The following ZNF839 variants were observed in gnomAD, a reference collection of about 807,000 sequenced individuals.
ZNF839 encodes zinc finger protein 839, also known as renal carcinoma antigen NY-REN-50.
ZNF839 carries 38 observed loss-of-function variants against 56.4 expected under a neutral mutation model. That is an observed-to-expected ratio of 0.67 (90% CI 0.52 to 0.88). ZNF839 has a LOEUF of 0.88. Among genes scored for constraint, ZNF839 ranks in the 40% least tolerant of loss-of-function variants. The pLI is 0.00. For missense variants in ZNF839, 1,091 were observed against 1,177.6 expected (o/e 0.93, Z 1.08); for synonymous variants, 486 against 493.5 (o/e 0.98, Z 0.20).
rs1458468759 is a variant in ZNF839 at position 102,326,751 on chromosome 14, G to A, written c.1055G>A (p.Ser352Asn). ...GAGATGGTGCTGTCTGAGAAAGCCA[G>A]TGGAAGCACCCTCCGGGGGTGCACG... ...DPEMVLSEKA[S>N]GSTLRGCTEE... Residue 352 changes from serine to asparagine, a missense_variant, in exon 2 of 8, where the codon AGT becomes AAT. Physicochemically the swap from Ser to Asn is conservative, Grantham distance 46. Transcript: ENST00000442396. This position sits in a 1 kb window ranked among gnomAD's most constrained non-coding sequence, Gnocchi z 4.3. 3 of 1,613,338 alleles carry A rather than the reference G, an allele frequency of 1.9e-6. No homozygotes were observed. The highest frequency in any genetic ancestry group is 8.5e-7 in the Non-Finnish European group (1 of 1,179,666).
At chr14:102,331,585 T>C (rs774528516) in intron 2 of ZNF839, 37 bp from the exon 3 acceptor site, 1 of 1,553,070 alleles carries the variant, frequency 6.4e-7, no homozygotes, top group African/African-American at 1.4e-5. Context: ...AAAGCATGAT[T>C]GTTTTATTTT....
Position 102,341,475 on chromosome 14 carries a change from G to A in ZNF839, c.2080G>A (p.Ala694Thr). The A allele has an allele frequency of 6.3e-7, 1 of 1,597,878 alleles. No homozygotes were observed. Among genetic ancestry groups the A allele is most frequent in the Non-Finnish European group, 8.5e-7 (1 of 1,170,644 alleles). ...AGCCAGGAGGGGGTCTATAGGTGCT[G>A]CTCTCTCATCCCGGGATGTCAGTGG... ...LEARRGSIGA[A>T]LSSRDVSGLP... Residue 694 changes from alanine (A) to threonine (T), a missense_variant, in exon 8 of 8, where the codon GCT (alanine) becomes ACT (threonine). Coordinates refer to ENST00000442396, the MANE Select transcript of ZNF839 (RefSeq NM_018335.6).
chr14:102,341,741 C>T lies in ZNF839; in HGVS notation c.2346C>T (p.His782=), dbSNP rs538603156. ...AGGTTTGTGACTTCCACCTGAACCACCAGCAGCCCAGCCCCACCAGCGTCC... is the reference window on the plus strand; with the variant it reads ...AGGTTTGTGACTTCCACCTGAACCATCAGCAGCCCAGCCCCACCAGCGTCC... ...LGKVCDFHLN[H]QQPSPTSVLP... is the part of the protein sequence containing the mutation. The change falls in exon 8 of 8, where the codon CAC becomes CAT. Residue 782 remains histidine (H), a synonymous_variant. Transcript: ENST00000442396. 6.8e-6 allele frequency: 11 copies of T among 1,614,004 alleles called. No individual in the cohort carries two copies. The South Asian group carries it at 1.1e-4, about 16-fold the overall frequency.
At position 102,332,813 on chromosome 14, in the gene ZNF839, G is replaced by A. The variant is rs111594192; in HGVS notation, c.1416+967G>A. ...TAATCCCAGCCACTTGGGAGACTGAGGGAGGAGAATCGCTTGAACCCAGGA... is the reference window on the plus strand; with the variant it reads ...TAATCCCAGCCACTTGGGAGACTGAAGGAGGAGAATCGCTTGAACCCAGGA... On this transcript the variant is annotated intron_variant, in intron 3 of 7. Transcript: ENST00000442396. This position sits in a 1 kb window ranked among gnomAD's most constrained non-coding sequence, Gnocchi z 4.9. Among the ~76,000 whole-genome samples the A allele has an allele frequency of 2.0e-5, 3 of 152,302 alleles. No homozygotes were observed. The highest frequency in any genetic ancestry group is 7.2e-5 in the African/African-American group (3 of 41,578).
chr14:102,320,358 C>T (rs1305256891), intron 1 of ZNF839, among the ~76,000 whole-genome samples: 1 of 152,194 alleles, frequency 6.6e-6, no homozygotes, highest in African/African-American at 2.4e-5. Context: ...TTCTTACAGG[C>T]CTTTCACCGC....
chr14:102,341,296 T>C (rs1365987421), intron 7 of ZNF839, 27 bp from the exon 8 acceptor site: 11 of 1,513,810 alleles, frequency 7.3e-6, no homozygotes, highest in Non-Finnish European at 9.7e-6. Context: ...GTACACGCCA[T>C]GTTCACCTGT....
rs1485513025 is a variant in ZNF839, at chr14:102,326,459, C to T, written c.763C>T (p.Arg255Ter). Residue 255 changes from arginine to a stop codon, truncating the protein, a stop_gained, in exon 2 of 8, where the codon CGA becomes TGA. Transcript: ENST00000442396. LOFTEE classifies it high-confidence loss of function. This position sits in a 1 kb window ranked among gnomAD's most constrained non-coding sequence, Gnocchi z 4.3. Reference protein sequence around the residue: ...KVKTRSGRVSRPPKYKAKDYK... With the variant: ...KVKTRSGRVS Reference sequence around the variant, plus strand: ...AAAGACACGTTCTGGACGGGTATCTCGACCTCCCAAATATAAAGCTAAAGA... The same window carrying T: ...AAAGACACGTTCTGGACGGGTATCTTGACCTCCCAAATATAAAGCTAAAGA... 5.0e-6 allele frequency: 8 copies of T among 1,613,840 alleles called. No individual in the cohort carries two copies. The highest frequency in any genetic ancestry group is 1.1e-5 in the South Asian group (1 of 91,070).
chr14:102,329,788 CCTTT>C (rs2073679386), intron 2 of ZNF839, among the ~76,000 whole-genome samples: 1 of 133,230 alleles, frequency 7.5e-6, no homozygotes, highest in African/African-American at 3.2e-5. Context: ...ATAGAGATAA[CCTTT>C]TTTTTTTTTT....
At chr14:102,339,016 T>C in intron 6 of ZNF839, 63 bp downstream of exon 6, 1 of 1,613,598 alleles carries the variant, frequency 6.2e-7, no homozygotes, top group Non-Finnish European at 8.5e-7. Context: ...GTTTGGCTTC[T>C]TCTGTTCACA....
At chr14:102,336,814 G>C in intron 5 of ZNF839, 1 of 257,730 alleles carries the variant, frequency 3.9e-6, no homozygotes, top group South Asian at 3.6e-5. Flanking sequence ...GCTCACCGCA[G>C]CCTCAACCTT....
Position 102,332,735 on chromosome 14 carries a change from C to T in ZNF839, c.1416+889C>T, listed in dbSNP as rs2073844794. Reference sequence around the variant, plus strand: ...GACCAGCCTGACCAACATAGTGAAACCCTGTCTCTACTAAAAATACAAAAA... The same window carrying T: ...GACCAGCCTGACCAACATAGTGAAATCCTGTCTCTACTAAAAATACAAAAA... On this transcript the variant is annotated intron_variant, in intron 3 of 7. Coordinates refer to ENST00000442396, the MANE Select transcript of ZNF839 (RefSeq NM_018335.6). The surrounding 1 kb of genome is among the most constrained non-coding windows in gnomAD (Gnocchi z 4.9). Among the ~76,000 whole-genome samples the T allele has an allele frequency of 2.0e-5, 3 of 151,968 alleles. No individual in the cohort carries two copies. Among genetic ancestry groups the T allele is most frequent in the Admixed American group, 2.0e-4 (3 of 15,262 alleles).
chr14:102,324,764 A>T (rs1009539905), intron 1 of ZNF839, among the ~76,000 whole-genome samples: 3 of 151,600 alleles, frequency 2.0e-5, no homozygotes, highest in African/African-American at 7.3e-5. Context: ...GACCAGCCTG[A>T]ATGGTGAAAC....
At chr14:102,318,653 G>T (rs991930467), upstream of ZNF839, among the ~76,000 whole-genome samples, 4 of 151,872 alleles carry the variant, frequency 2.6e-5, no homozygotes, top group Non-Finnish European at 5.9e-5. Flanking sequence ...AAAAATTGTG[G>T]TAAGATACCC....
rs2073838001 is a variant in ZNF839 at position 102,332,579 on chromosome 14, G to C, written c.1416+733G>C. Among the ~76,000 whole-genome samples the C allele has an allele frequency of 1.3e-5, 2 of 152,130 alleles. No homozygotes were observed. Among genetic ancestry groups the C allele is most frequent in the African/African-American group, 4.8e-5 (2 of 41,436 alleles). On this transcript the variant is annotated intron_variant, in intron 3 of 7. Transcript: ENST00000442396. This position sits in a 1 kb window ranked among gnomAD's most constrained non-coding sequence, Gnocchi z 4.9. ...AAGATAGACAGGGCTCGGCTCTTAG[G>C]GGAGAAACAGGACAGTCAAACCAGT... is the stretch of plus-strand genomic sequence containing the variant.
intron 1 of ZNF839, among the ~76,000 whole-genome samples, chr14:102,320,664 C>T (rs1384415186): frequency 6.6e-6 from 1 of 152,186 alleles, no homozygotes; most frequent in Non-Finnish European, 1.5e-5. Context: ...GTGATAGTGA[C>T]TGATTTGTAA....
chr14:102,339,011 G>A, intron 6 of ZNF839, 58 bp downstream of exon 6: 3 of 1,613,654 alleles, frequency 1.9e-6, no homozygotes, highest in Non-Finnish European at 1.7e-6. Flanking sequence ...GCGTGGTTTG[G>A]CTTCTTCTGT....
At position 102,341,955 on chromosome 14, in the gene ZNF839, C is replaced by T; in HGVS notation, c.2560C>T (p.His854Tyr). Residue 854 changes from histidine (H) to tyrosine (Y), a missense_variant, in exon 8 of 8, where the codon CAC becomes TAC. Physicochemically the swap from His to Tyr is moderately conservative, Grantham distance 83. This residue lies in a region of ZNF839 where 431 missense variants were observed against 468.0 expected (regional missense o/e 0.92). Coordinates refer to ENST00000442396, the MANE Select transcript of ZNF839 (RefSeq NM_018335.6). ...CCGGTTCCCCTGTGGGATGGAGGTG[C>T]ACTCTGGCCAGAGAGAACTGGAGAG... Reference protein sequence around the residue: ...LNRFPCGMEVHSGQRELESVV... With the variant: ...LNRFPCGMEVYSGQRELESVV... 1 of 1,614,076 alleles carries T rather than the reference C, an allele frequency of 6.2e-7. No homozygotes were observed. Among genetic ancestry groups the T allele is most frequent in the Admixed American group, 1.7e-5 (1 of 60,030 alleles).
At chr14:102,327,159 G>T (rs543651936) in intron 2 of ZNF839, among the ~76,000 whole-genome samples, 36 of 151,826 alleles carry the variant, frequency 2.4e-4, no homozygotes, top group African/African-American at 8.7e-4. Flanking sequence ...TATTTTTTTT[G>T]AGATGGATCC....
chr14:102,325,524 G>T (rs2073364465), intron 1 of ZNF839, among the ~76,000 whole-genome samples: 1 of 151,634 alleles, frequency 6.6e-6, no homozygotes, highest in Non-Finnish European at 1.5e-5. Flanking sequence ...TTCAGATGGA[G>T]TCTCACTCTG....
Sources: allele counts gnomAD v4.1 joint callset (sites outside exome capture counted in the v4.1 genomes callset), GRCh38; gene constraint gnomAD v4.1.1; regional missense constraint gnomAD v4.1.1; non-coding constraint Gnocchi (gnomAD v3.1); transcripts MANE v1.5; gene names NCBI Gene and HGNC (gene_info 2026-07-23, HGNC 2026-07-21).